Variants in LSAMP observed in about 807,000 individuals in gnomAD.
LSAMP encodes the protein limbic system associated membrane protein.
LSAMP carries 7 observed loss-of-function variants against 38.6 expected under a neutral mutation model. That is an observed-to-expected ratio of 0.18 (90% CI 0.10 to 0.34). The LOEUF is 0.34. Ranked by LOEUF, LSAMP falls within the 10% of genes least tolerant of loss-of-function variation. The probability of loss-of-function intolerance (pLI) is 1.00; values close to 1 mark genes in which losing one functional copy is unlikely to be tolerated. For missense variants in LSAMP, 313 were observed against 420.0 expected (o/e 0.75, Z 2.23); for synonymous variants, 154 against 166.8 (o/e 0.92, Z 0.59).
At chr3:116,029,477 T>TC (rs58211696) in intron 2 of LSAMP, among the ~76,000 whole-genome samples, 9,712 of 152,086 alleles carry the variant, frequency 0.064, 989 homozygotes, top group African/African-American at 0.22. Flanking sequence ...TGATTACTAA[T>TC]GCTACATTCA....
At chr3:115,916,718 A>G (rs952141143) in intron 3 of LSAMP, among the ~76,000 whole-genome samples, 2 of 152,332 alleles carry the variant, frequency 1.3e-5, no homozygotes, top group South Asian at 2.1e-4. Flanking sequence ...CATGATAACA[A>G]TCTGATCAAG....
intron 1 of LSAMP, among the ~76,000 whole-genome samples, chr3:116,390,105 T>C (rs72950194): frequency 0.078 from 11,708 of 150,368 alleles, 498 homozygotes; most frequent in African/African-American, 0.11. Context: ...GTATCTTCTA[T>C]ACTTAAATTA....
chr3:116,266,371 A>G (rs1275192003), intron 1 of LSAMP, among the ~76,000 whole-genome samples: 2 of 152,168 alleles, frequency 1.3e-5, no homozygotes, highest in Non-Finnish European at 2.9e-5. Flanking sequence ...GGAATTTATT[A>G]TGCTGCTTGC....
chr3:116,173,474 C>A (rs1294385920), intron 1 of LSAMP, among the ~76,000 whole-genome samples: 1 of 139,990 alleles, frequency 7.1e-6, no homozygotes, highest in South Asian at 2.4e-4. Flanking sequence ...TGGCAAATGC[C>A]CACTAATAAT....
chr3:116,169,915 G>A (rs1710155420), intron 1 of LSAMP, among the ~76,000 whole-genome samples: 1 of 152,090 alleles, frequency 6.6e-6, no homozygotes, highest in African/African-American at 2.4e-5. Context: ...TGTGAGAAAG[G>A]CCTGTGACTC....
chr3:115,810,188 A>G lies in LSAMP; in HGVS notation c.*129T>C. 1.6e-6 allele frequency: 1 copy of G among 628,734 alleles called. No individual in the cohort carries two copies. Among genetic ancestry groups the G allele is most frequent in the Non-Finnish European group, 2.8e-6 (1 of 362,080 alleles). The allele number at this position is 628,734 out of a possible 1,614,324, so 38.9% of individuals were successfully genotyped here. A position where few individuals can be genotyped will look rare whatever the true frequency, so the allele number is the denominator to read the frequency against. On this transcript the variant is annotated 3_prime_UTR_variant, in exon 7 of 7. Coordinates refer to ENST00000490035, the MANE Select transcript of LSAMP (RefSeq NM_002338.5). ...TTCTTATTTCCCCCTTCATGTATAA[A>G]CACACAAAGTTGTGAAATAAACGGT...
chr3:115,965,777 TAATC>T (rs754141168), intron 3 of LSAMP, among the ~76,000 whole-genome samples: 32 of 152,166 alleles, frequency 2.1e-4, no homozygotes, highest in Non-Finnish European at 3.7e-4. Flanking sequence ...ACTTTATTAT[TAATC>T]AAAGGCATAC....
intron 1 of LSAMP, among the ~76,000 whole-genome samples, chr3:116,308,341 C>T (rs1015043401): frequency 3.3e-5 from 5 of 151,998 alleles, no homozygotes; most frequent in African/African-American, 7.2e-5. Context: ...TCTCTTTCCC[C>T]GGAGGAATGT....
At chr3:116,312,229 G>T (rs2107718192) in intron 1 of LSAMP, among the ~76,000 whole-genome samples, 1 of 152,208 alleles carries the variant, frequency 6.6e-6, no homozygotes, top group East Asian at 1.9e-4. Context: ...AATCCATCAG[G>T]GTTGATCACA....
At chr3:116,105,862 TG>T (rs1306728236) in intron 1 of LSAMP, among the ~76,000 whole-genome samples, 2 of 151,862 alleles carry the variant, frequency 1.3e-5, no homozygotes, top group Non-Finnish European at 2.9e-5. Flanking sequence ...CAAAAATTTT[TG>T]GGGGGTGGTA....
intron 1 of LSAMP, among the ~76,000 whole-genome samples, chr3:116,197,163 A>ACACACACACACTCTCTCTCTCTCT (rs1268040540): frequency 7.2e-6 from 1 of 139,088 alleles, no homozygotes; most frequent in African/African-American, 2.6e-5. Context: ...ACACACACAC[A>ACACACACACACTCTCTCTCTCTCT]CTCTCTCTCT....
chr3:116,314,720 G>A (rs899190951), intron 1 of LSAMP, among the ~76,000 whole-genome samples: 2 of 152,134 alleles, frequency 1.3e-5, no homozygotes, highest in South Asian at 2.1e-4. Flanking sequence ...GCTGTACTGC[G>A]TGCTTAGCTG....
intron 1 of LSAMP, among the ~76,000 whole-genome samples, chr3:116,208,713 G>C (rs575108180): frequency 1.4e-5 from 2 of 146,916 alleles, no homozygotes; most frequent in African/African-American, 5.0e-5. Flanking sequence ...TAGGCTGCTC[G>C]GGGGTCAGGG....
At chr3:115,908,070 C>T (rs867520605) in intron 3 of LSAMP, among the ~76,000 whole-genome samples, 11 of 150,442 alleles carry the variant, frequency 7.3e-5, no homozygotes, top group African/African-American at 2.7e-4. Context: ...TTTGACCATA[C>T]AGGGAAGATA....
At chr3:116,149,256 C>A (rs568614223) in intron 1 of LSAMP, among the ~76,000 whole-genome samples, 6 of 151,804 alleles carry the variant, frequency 4.0e-5, no homozygotes, top group African/African-American at 1.5e-4. Flanking sequence ...GAAGGAAAAA[C>A]AATATGGGGA....
rs75486056 is a variant in LSAMP at position 116,028,137 on chromosome 3, G to A, written c.389-8497C>T. Among the ~76,000 whole-genome samples the A allele has an allele frequency of 9.2e-3, 1,400 of 152,270 alleles. 19 individuals carry two copies. The highest frequency in any genetic ancestry group is 0.032 in the African/African-American group (1,311 of 41,546). On this transcript the variant is annotated intron_variant, in intron 2 of 6. Coordinates refer to ENST00000490035, the MANE Select transcript of LSAMP (RefSeq NM_002338.5). ...AACTGGGTTCAAAAATCTACACAAT[G>A]TTTCTTGAGCAGCACTTGCTGTATT...
chr3:115,995,145 C>CT, intron 3 of LSAMP, among the ~76,000 whole-genome samples: 1 of 152,090 alleles, frequency 6.6e-6, no homozygotes, highest in Non-Finnish European at 1.5e-5. Context: ...TCCATACATT[C>CT]TTTTTCAAAA....
At chr3:116,221,820 A>G (rs2046289000) in intron 1 of LSAMP, among the ~76,000 whole-genome samples, 1 of 145,370 alleles carries the variant, frequency 6.9e-6, no homozygotes, top group African/African-American at 2.6e-5. Context: ...TCTATGTGCA[A>G]CATTCTGCGT....
rs747872913 is a variant in LSAMP at position 115,842,505 on chromosome 3, G to A, written c.723C>T (p.Ala241=). The change falls in exon 5 of 7, where the codon GCC becomes GCT. Residue 241 remains alanine, a synonymous_variant. Transcript: ENST00000490035. ...CAAAGTCAGGTGCAGGCACTGCCGA[G>A]GCCTCACATTTGAGTGAAGCTTGTC... The part of the protein sequence containing the change: ...TGRQASLKCE[A]SAVPAPDFEW... 48 of 1,613,870 alleles carry A rather than the reference G, an allele frequency of 3.0e-5. No individual in the cohort carries two copies. The highest frequency in any genetic ancestry group is 4.1e-5 in the Non-Finnish European group (48 of 1,179,922).
Sources: gnomAD v4.1 joint callset for allele counts (sites outside exome capture counted in the v4.1 genomes callset) on GRCh38, gnomAD v4.1.1 for gene constraint, MANE v1.5 for transcripts, NCBI Gene and HGNC (gene_info 2026-07-23, HGNC 2026-07-21) for gene names.